Variants in MYCBP2 observed in about 807,000 individuals in gnomAD.
The protein encoded by MYCBP2 is MYC binding protein 2.
MYCBP2 carries 120 observed loss-of-function variants against 525.3 expected under a neutral mutation model. The ratio of observed to expected loss-of-function variants is 0.23; its 90% CI spans 0.20 to 0.27. The LOEUF is 0.27. Among genes scored for constraint, MYCBP2 ranks in the 10% least tolerant of loss-of-function variants. MYCBP2 has a pLI of 1.00. For missense variants in MYCBP2, 4,149 were observed against 5,657.1 expected, an observed-to-expected ratio of 0.73 and a Z score of 8.55; for synonymous variants, 1,894 against 1,955.8, an observed-to-expected ratio of 0.97 and a Z score of 0.83.
intron 1 of MYCBP2, among the ~76,000 whole-genome samples, chr13:77,299,326 T>C (rs559705044): frequency 1.4e-4 from 22 of 152,322 alleles, no homozygotes; most frequent in African/African-American, 5.0e-4. Context: ...CTATGCATGA[T>C]GGCATTTAAT....
At position 77,212,037 on chromosome 13, in the gene MYCBP2, T is replaced by C; in HGVS notation, c.3181A>G (p.Thr1061Ala). Residue 1061 changes from threonine (T) to alanine (A), a missense_variant, in exon 22 of 83, where the codon ACT becomes GCT. Transcript: ENST00000544440. ...AGTGCTTCATCAATTCGTAAAAAAG[T>C]TTGGTCCCCACTTGCACCTATCCAA... ...ATWIGASGDQ[T>A]FLRIDEALIN... 1 of 1,614,086 alleles carries C rather than the reference T, an allele frequency of 6.2e-7. No individual in the cohort carries two copies. The highest frequency in any genetic ancestry group is 8.5e-7 in the Non-Finnish European group (1 of 1,179,972).
chr13:77,053,802 T>C (rs1204746302), intron 80 of MYCBP2, among the ~76,000 whole-genome samples: 2 of 152,284 alleles, frequency 1.3e-5, no homozygotes, highest in East Asian at 1.9e-4. Context: ...TTTTGCTACA[T>C]TGGGAGACTA....
intron 14 of MYCBP2, among the ~76,000 whole-genome samples, chr13:77,256,942 T>G (rs988073939): frequency 6.6e-6 from 1 of 152,172 alleles, no homozygotes; most frequent in African/African-American, 2.4e-5. Context: ...TCATGTTTAT[T>G]GCAGCACTAT....
intron 14 of MYCBP2, among the ~76,000 whole-genome samples, chr13:77,256,039 C>T (rs969578440): frequency 1.3e-5 from 2 of 152,022 alleles, no homozygotes; most frequent in Non-Finnish European, 2.9e-5. Flanking sequence ...AACAAGACCA[C>T]AGCAAACAGG....
Position 77,326,022 on chromosome 13 carries a change from G to A in MYCBP2, c.302+452C>T, listed in dbSNP as rs545073995. Reference sequence around the variant, plus strand: ...GGCTGGAAGGAATGTCATGGGAGAGGCGGCACGTGCAAATAACATTGCGGC... The same window carrying A: ...GGCTGGAAGGAATGTCATGGGAGAGACGGCACGTGCAAATAACATTGCGGC... On this transcript the variant is annotated intron_variant, in intron 1 of 82. Transcript: ENST00000544440. The surrounding 1 kb of genome is among the most constrained non-coding windows in gnomAD (Gnocchi z 4.2). 1.3e-5 allele frequency among the ~76,000 whole-genome samples: 2 copies of A among 152,184 alleles called. No individual in the cohort carries two copies. The highest frequency in any genetic ancestry group is 4.8e-5 in the African/African-American group (2 of 41,510).
chr13:77,194,064 C>T, intron 27 of MYCBP2, 89 bp downstream of exon 27: 1 of 770,246 alleles, frequency 1.3e-6, no homozygotes, highest in Non-Finnish European at 2.0e-6. Context: ...AGATTTAAAA[C>T]TTCCTTTTAA....
At chr13:77,048,031 C>T (rs1246147281) in intron 82 of MYCBP2, among the ~76,000 whole-genome samples, 5 of 152,124 alleles carry the variant, frequency 3.3e-5, no homozygotes, top group Non-Finnish European at 7.4e-5. Flanking sequence ...GGAGGTAGGA[C>T]AAAGAACTCC....
At chr13:77,307,811 C>T (rs930106109) in intron 1 of MYCBP2, among the ~76,000 whole-genome samples, 1 of 151,986 alleles carries the variant, frequency 6.6e-6, no homozygotes, top group Admixed American at 6.6e-5. Flanking sequence ...CAAACAGTGC[C>T]TACTTCTTTA....
intron 38 of MYCBP2, 83 bp downstream of exon 38, chr13:77,171,409 A>G: frequency 1.5e-6 from 2 of 1,347,760 alleles, no homozygotes; most frequent in Non-Finnish European, 2.1e-6. Context: ...TGTATAATAG[A>G]AGGCTCCTCT....
intron 3 of MYCBP2, among the ~76,000 whole-genome samples, chr13:77,286,444 C>A (rs1407609546): frequency 1.3e-5 from 2 of 151,820 alleles, no homozygotes; most frequent in Non-Finnish European, 2.9e-5. Context: ...TTAACTATAT[C>A]TACTATATAG....
Position 77,066,026 on chromosome 13 carries a change from T to C in MYCBP2, c.12518A>G (p.Glu4173Gly), listed in dbSNP as rs1952060256. The change falls in exon 72 of 83, where the codon GAG (glutamate) becomes GGG (glycine). Residue 4173 changes from glutamate (E) to glycine (G), a missense_variant. Around this residue, in one of 21 missense-constraint regions of MYCBP2, gnomAD observed 148 missense variants for 179.4 expected, o/e 0.82. Coordinates refer to ENST00000544440, the MANE Select transcript of MYCBP2 (RefSeq NM_015057.5). ...MKGSTPTQIS[E>G]IIIKLIKDMA... Reference sequence around the variant, plus strand: ...ATCCTTGATAAGTTTAATGATGATCTCTGAGATCTGGGTAGGGGTTGAGCC... The same window carrying C: ...ATCCTTGATAAGTTTAATGATGATCCCTGAGATCTGGGTAGGGGTTGAGCC... 1 of 1,613,436 alleles carries C rather than the reference T, an allele frequency of 6.2e-7. No individual in the cohort carries two copies.
intron 23 of MYCBP2, among the ~76,000 whole-genome samples, chr13:77,207,975 C>A (rs143404195): frequency 3.3e-5 from 5 of 150,876 alleles, no homozygotes; most frequent in African/African-American, 1.2e-4. Context: ...CGCCCCAGCC[C>A]CAGATGAATG....
rs564707605 is a variant in MYCBP2, at chr13:77,156,184, T to C, written c.6789A>G (p.Ser2263=). The change falls in exon 46 of 83, where the codon TCA becomes TCG. Residue 2263 remains serine, a synonymous_variant. Transcript: ENST00000544440. ...AAGATGTTTTCTGAGGATCCGCATA[T>C]GAATCTGGCTGAAGCCACCTAACAG... is the stretch of plus-strand genomic sequence containing the variant. The part of the protein sequence containing the change: ...GRLARWLQPD[S]YADPQKTSLI... The C allele has an allele frequency of 4.3e-6, 7 of 1,613,594 alleles. No individual in the cohort carries two copies. The highest frequency in any genetic ancestry group is 3.3e-5 in the Admixed American group (2 of 60,012).
At chr13:77,136,008 G>T (rs2154178331) in intron 52 of MYCBP2, among the ~76,000 whole-genome samples, 2 of 152,054 alleles carry the variant, frequency 1.3e-5, no homozygotes, top group African/African-American at 4.8e-5. Context: ...GCTAATTTTT[G>T]TATTTTTAGT....
At position 77,168,657 on chromosome 13, in the gene MYCBP2, T is replaced by G; in HGVS notation, c.5896-11A>C. On this transcript the variant is annotated splice_polypyrimidine_tract_variant and intron_variant, in intron 39 of 82. Transcript: ENST00000544440. The stretch of plus-strand genomic sequence containing the variant: ...GACTTCTACAGCCACCTAGTACACA[T>G]ATAAAAATATGGTTAAATGAGATAC... 1 of 1,612,284 alleles carries G rather than the reference T, an allele frequency of 6.2e-7. No homozygotes were observed. The highest frequency in any genetic ancestry group is 8.5e-7 in the Non-Finnish European group (1 of 1,178,532).
At chr13:77,242,874 G>A (rs1427493082) in intron 17 of MYCBP2, among the ~76,000 whole-genome samples, 185 bp downstream of exon 17, 2 of 152,132 alleles carry the variant, frequency 1.3e-5, no homozygotes, top group Non-Finnish European at 2.9e-5. Flanking sequence ...ATACCTAAAC[G>A]TATGTTATTA....
At position 77,233,204 on chromosome 13, in the gene MYCBP2, G is replaced by A; in HGVS notation, c.2689C>T (p.Leu897Phe). The change falls in exon 18 of 83, where the codon CTC becomes TTC. Residue 897 changes from leucine to phenylalanine, a missense_variant. Leu to Phe is a conservative substitution (Grantham distance 22). This residue lies in a region of MYCBP2 where 620 missense variants were observed against 795.5 expected (regional missense o/e 0.78). Transcript: ENST00000544440. ...TTTAGCTGTGCTGGATGGGATCTGA[G>A]TCTGGCTAGAGCCTGTTCTCGATGG... ...MNHREQALAR[L>F]RSHPAQLKHK... 1 of 1,613,872 alleles carries A rather than the reference G, an allele frequency of 6.2e-7. No individual in the cohort carries two copies. The highest frequency in any genetic ancestry group is 8.5e-7 in the Non-Finnish European group (1 of 1,179,836).
chr13:77,245,801 C>T (rs1409249208), intron 15 of MYCBP2, among the ~76,000 whole-genome samples: 1 of 150,724 alleles, frequency 6.6e-6, no homozygotes, highest in Non-Finnish European at 1.5e-5. Flanking sequence ...TAAAAACATT[C>T]ACACATTGGA....
intron 8 of MYCBP2, among the ~76,000 whole-genome samples, chr13:77,267,307 A>C (rs2074235716): frequency 6.6e-6 from 1 of 151,882 alleles, no homozygotes; most frequent in Non-Finnish European, 1.5e-5. Context: ...CAAAGTATTA[A>C]GAAGCATAAG....
Sources: allele counts gnomAD v4.1 joint callset (sites outside exome capture counted in the v4.1 genomes callset), GRCh38; gene constraint gnomAD v4.1.1; regional missense constraint gnomAD v4.1.1; non-coding constraint Gnocchi (gnomAD v3.1); transcripts MANE v1.5; gene names NCBI Gene and HGNC (gene_info 2026-07-23, HGNC 2026-07-21).